The following TMEM51 variants were observed in gnomAD, a reference collection of about 807,000 sequenced individuals.
TMEM51 encodes the protein chromosome 1 open reading frame 72.
TMEM51 carries 8 observed loss-of-function variants against 13.6 expected under a neutral mutation model. The observed-to-expected ratio is 0.59, with a 90% confidence interval of 0.35 to 1.07. The LOEUF (loss-of-function observed/expected upper bound fraction) is 1.07, where lower values mean the gene tolerates loss of function less well. Ranked by LOEUF, TMEM51 falls within the 50% of genes least tolerant of loss-of-function variation. The probability of loss-of-function intolerance (pLI) is 0.02; values close to 1 mark genes in which losing one functional copy is unlikely to be tolerated. For synonymous variants in TMEM51, 147 were observed against 144.4 expected, an observed-to-expected ratio of 1.02 and a Z score of -0.13; for missense variants, 279 against 330.7, an observed-to-expected ratio of 0.84 and a Z score of 1.21.
chr1:15,172,536 A>G (rs1643320161), intron 1 of TMEM51, among the ~76,000 whole-genome samples: 1 of 152,106 alleles, frequency 6.6e-6, no homozygotes, highest in Non-Finnish European at 1.5e-5. Flanking sequence ...GAAAAGAGAA[A>G]GTAAGTGAAC....
intron 1 of TMEM51, among the ~76,000 whole-genome samples, chr1:15,176,721 C>A (rs577284061): frequency 6.6e-6 from 1 of 152,198 alleles, no homozygotes; most frequent in Admixed American, 6.5e-5. Flanking sequence ...TTAAAGAATT[C>A]AGGTTGGATG....
At chr1:15,196,412 G>T (rs184736944) in intron 1 of TMEM51, among the ~76,000 whole-genome samples, 6 of 152,006 alleles carry the variant, frequency 3.9e-5, no homozygotes, top group African/African-American at 1.5e-4. Context: ...GTGTGTGTGC[G>T]TGTGCATGCA....
intron 2 of TMEM51, among the ~76,000 whole-genome samples, chr1:15,214,137 T>G (rs977514809): frequency 7.9e-5 from 12 of 151,508 alleles, no homozygotes; most frequent in Non-Finnish European, 1.6e-4. Flanking sequence ...AGGCATGAAC[T>G]CTGCAAACAT....
chr1:15,163,638 T>TTTTTTTTTTTTTGAGACAGA (rs1553197690), intron 1 of TMEM51, among the ~76,000 whole-genome samples: 1 of 151,296 alleles, frequency 6.6e-6, no homozygotes, highest in Non-Finnish European at 1.5e-5. Context: ...TGTTATTTTT[T>TTTTTTTTTTTTTGAGACAGA]GTAATAATAG....
intron 1 of TMEM51, chr1:15,192,211 G>C: frequency 5.2e-6 from 2 of 382,214 alleles, no homozygotes; most frequent in South Asian, 2.3e-5. Context: ...GGTTGTAAGA[G>C]ATCTTTCTAA....
In TMEM51 at chr1:15,168,502, C is replaced by T. The variant is rs1396574719; in HGVS notation, c.-267+14548C>T. On this transcript the variant is annotated intron_variant, in intron 1 of 3. Transcript: ENST00000376008. ...AAGTTCCAATTTTATGTATTATTGC[C>T]CCTTGGTTTTATGATTGGAAGCTGG... 6.9e-6 allele frequency: 9 copies of T among 1,303,992 alleles called. No homozygotes were observed. In the East Asian group the frequency reaches 5.0e-4, roughly 72 times the overall value. The allele number at this position is 1,303,992 out of a possible 1,614,324, so 80.8% of individuals were successfully genotyped here. A position where few individuals can be genotyped will look rare whatever the true frequency, so the allele number is the denominator to read the frequency against.
intron 1 of TMEM51, among the ~76,000 whole-genome samples, chr1:15,175,273 G>A (rs1049817267): frequency 3.9e-5 from 6 of 152,156 alleles, no homozygotes; most frequent in African/African-American, 1.4e-4. Context: ...TGTGGCGAGT[G>A]CCTGTAATCC....
At chr1:15,166,837 C>T (rs1235625451) in intron 1 of TMEM51, among the ~76,000 whole-genome samples, 1 of 152,144 alleles carries the variant, frequency 6.6e-6, no homozygotes, top group African/African-American at 2.4e-5. Flanking sequence ...TAACCACCAC[C>T]ACAATCAAGA....
At chr1:15,199,872 T>C (rs1331544798) in intron 1 of TMEM51, among the ~76,000 whole-genome samples, 1 of 152,178 alleles carries the variant, frequency 6.6e-6, no homozygotes, top group Non-Finnish European at 1.5e-5. Context: ...CCCTGACTTC[T>C]CTGCGAAGTG....
chr1:15,180,411 G>T (rs1015094938), intron 1 of TMEM51, among the ~76,000 whole-genome samples: 12 of 152,216 alleles, frequency 7.9e-5, no homozygotes, highest in Non-Finnish European at 1.8e-4. Context: ...CACTTGCAGG[G>T]CTGCAGACAC....
chr1:15,169,336 G>T (rs1368660676), intron 1 of TMEM51, among the ~76,000 whole-genome samples: 1 of 152,104 alleles, frequency 6.6e-6, no homozygotes, highest in Non-Finnish European at 1.5e-5. Context: ...TTGTTGCCAA[G>T]GAATCAAGCT....
At position 15,210,917 on chromosome 1, in the gene TMEM51, AC is replaced by A. The variant is rs1300027983; in HGVS notation, c.-194+359del. Among the ~76,000 whole-genome samples, 3 of 152,248 alleles carry A rather than the reference AC, an allele frequency of 2.0e-5. No homozygotes were observed. The East Asian group carries it at 5.8e-4, about 29-fold the overall frequency. ...CCCGCTGGGAGCTGGGTTTCTACAG[AC>A]CCCATAGACCCATCAAGATCACAGT... On this transcript the variant is annotated intron_variant, in intron 2 of 3. Coordinates refer to ENST00000376008, the MANE Select transcript of TMEM51 (RefSeq NM_001136218.2).
chr1:15,201,667 G>A (rs1188400491), intron 1 of TMEM51, among the ~76,000 whole-genome samples: 7 of 152,160 alleles, frequency 4.6e-5, no homozygotes, highest in Non-Finnish European at 8.8e-5. Flanking sequence ...GGAAAGTCAG[G>A]TATAAAGTGG....
intron 2 of TMEM51, among the ~76,000 whole-genome samples, chr1:15,211,349 AT>A (rs1644335306): frequency 6.6e-6 from 1 of 152,040 alleles, no homozygotes; most frequent in African/African-American, 2.4e-5. Flanking sequence ...AATATCCAAG[AT>A]TTTTTTCACC....
intron 1 of TMEM51, among the ~76,000 whole-genome samples, chr1:15,199,678 A>G (rs1644116960): frequency 6.6e-6 from 1 of 152,122 alleles, no homozygotes. Flanking sequence ...CTCTGTCACC[A>G]GGGCCCTCCA....
At chr1:15,189,691 A>G (rs1176854436) in intron 1 of TMEM51, among the ~76,000 whole-genome samples, 4 of 152,106 alleles carry the variant, frequency 2.6e-5, no homozygotes, top group African/African-American at 9.7e-5. Flanking sequence ...CTCTTACAGC[A>G]GGGACAAGAC....
In TMEM51 at chr1:15,182,206, A is replaced by AATGAATG. The variant is rs1452812707; in HGVS notation, c.-267+28253_-267+28254insTGAATGA. Among the ~76,000 whole-genome samples the AATGAATG allele has an allele frequency of 2.1e-3, 306 of 148,926 alleles. 2 individuals carry two copies. The highest frequency in any genetic ancestry group is 0.01 in the Middle Eastern group (3 of 288). On this transcript the variant is annotated intron_variant, in intron 1 of 3. Transcript: ENST00000376008. ...TAAATAAATAAATAAATAAATAAATAACTGCACTAGGCTGAAAGCAGAATG... is the reference window on the plus strand; with the variant it reads ...TAAATAAATAAATAAATAAATAAATAATGAATGACTGCACTAGGCTGAAAGCAGAATG...
intron 1 of TMEM51, among the ~76,000 whole-genome samples, chr1:15,166,250 C>T (rs748403775): frequency 3.0e-4 from 45 of 152,192 alleles, no homozygotes; most frequent in Admixed American, 5.9e-4. Context: ...ACAGGGATTA[C>T]TGCCAGGCAA....
intron 1 of TMEM51, among the ~76,000 whole-genome samples, chr1:15,195,172 A>G (rs1369240711): frequency 2.0e-5 from 3 of 152,020 alleles, no homozygotes; most frequent in African/African-American, 7.2e-5. Flanking sequence ...AGCTCAAGCA[A>G]TCTGCCTACC....
Sources: gnomAD v4.1 joint callset for allele counts (sites outside exome capture counted in the v4.1 genomes callset) on GRCh38, gnomAD v4.1.1 for gene constraint, MANE v1.5 for transcripts, NCBI Gene and HGNC (gene_info 2026-07-23, HGNC 2026-07-21) for gene names.